The following CEP128 variants were observed in gnomAD, a reference collection of about 807,000 sequenced individuals.
The protein encoded by CEP128 is centrosomal protein 128.
In CEP128, 132 loss-of-function variants were observed where a neutral mutation model predicts 156.7. That is an observed-to-expected ratio of 0.84 (90% CI 0.73 to 0.97). CEP128 has a LOEUF of 0.97. Ranked by LOEUF, CEP128 falls within the 50% of genes least tolerant of loss-of-function variation. The pLI, the probability that CEP128 is intolerant of heterozygous loss-of-function variation, is 0.00. For synonymous variants in CEP128, 469 were observed against 448.9 expected (o/e 1.04, Z -0.57); for missense variants, 1,252 against 1,281.9 (o/e 0.98, Z 0.36).
intron 8 of CEP128, among the ~76,000 whole-genome samples, chr14:80,866,880 C>T (rs930805064): frequency 6.6e-5 from 10 of 152,188 alleles, no homozygotes; most frequent in Non-Finnish European, 2.9e-5. Flanking sequence ...CCATTTTACT[C>T]ATGCAGGATA....
chr14:80,943,954 A>G (rs919483005), upstream of CEP128, among the ~76,000 whole-genome samples: 2 of 151,580 alleles, frequency 1.3e-5, no homozygotes, highest in Non-Finnish European at 2.9e-5. Flanking sequence ...AGATGGTGCC[A>G]CTGCACTCCA....
intron 19 of CEP128, among the ~76,000 whole-genome samples, chr14:80,590,001 C>G (rs1033759806): frequency 1.3e-5 from 2 of 152,066 alleles, no homozygotes; most frequent in African/African-American, 4.8e-5. Flanking sequence ...CTCCTTCACA[C>G]AGTGGAAAAT....
chr14:80,688,227 C>T (rs529627939), intron 19 of CEP128, among the ~76,000 whole-genome samples: 1 of 152,142 alleles, frequency 6.6e-6, no homozygotes, highest in Non-Finnish European at 1.5e-5. Context: ...AAAATAGCAA[C>T]AAAAAATGTT....
At chr14:80,933,148 T>G (rs1375459708) in intron 2 of CEP128, among the ~76,000 whole-genome samples, 1 of 152,144 alleles carries the variant, frequency 6.6e-6, no homozygotes, top group Non-Finnish European at 1.5e-5. Context: ...AGCTTCACCC[T>G]ACCAGCATCC....
chr14:80,602,654 T>C (rs982751537), intron 19 of CEP128, among the ~76,000 whole-genome samples: 7 of 152,056 alleles, frequency 4.6e-5, no homozygotes, highest in African/African-American at 1.4e-4. Flanking sequence ...GCACCTGTAG[T>C]CCTAGCTACT....
At chr14:80,701,285 C>T (rs1311371648) in intron 19 of CEP128, among the ~76,000 whole-genome samples, 1 of 152,110 alleles carries the variant, frequency 6.6e-6, no homozygotes, top group African/African-American at 2.4e-5. Context: ...ACCGGAGAGG[C>T]TGCCGTAACT....
intron 21 of CEP128, among the ~76,000 whole-genome samples, chr14:80,558,108 G>A (rs1890513486): frequency 6.6e-6 from 1 of 152,042 alleles, no homozygotes; most frequent in Admixed American, 6.6e-5. Context: ...TCACTGTTGT[G>A]AGTTTTGCTT....
chr14:80,634,615 T>C (rs1292696342), intron 19 of CEP128, among the ~76,000 whole-genome samples: 2 of 152,218 alleles, frequency 1.3e-5, no homozygotes, highest in African/African-American at 4.8e-5. Context: ...TCTCCCTTTA[T>C]CCTGGTAATC....
At chr14:80,566,976 C>T (rs887162063) in intron 20 of CEP128, among the ~76,000 whole-genome samples, 3 of 151,878 alleles carry the variant, frequency 2.0e-5, no homozygotes, top group African/African-American at 7.3e-5. Context: ...TTCTAGCCTA[C>T]AGGGAAGCCC....
At chr14:80,493,838 TA>T (rs1385846423), downstream of CEP128, among the ~76,000 whole-genome samples, 2 of 152,118 alleles carry the variant, frequency 1.3e-5, no homozygotes, top group African/African-American at 4.8e-5. Flanking sequence ...GAGAAGCCAA[TA>T]GGGGCAGATG....
chr14:80,495,294 T>C (rs1887454726), downstream of CEP128, among the ~76,000 whole-genome samples: 1 of 152,194 alleles, frequency 6.6e-6, no homozygotes, highest in Non-Finnish European at 1.5e-5. Flanking sequence ...TTCCTTAGCA[T>C]TCTTTTTGAT....
intron 3 of CEP128, among the ~76,000 whole-genome samples, chr14:80,915,011 GTTATC>G (rs913771920): frequency 6.6e-6 from 1 of 152,026 alleles, no homozygotes; most frequent in African/African-American, 2.4e-5. Context: ...AAATTCCATT[GTTATC>G]TTACTTTACT....
At chr14:80,818,991 A>C (rs1017294630) in intron 13 of CEP128, among the ~76,000 whole-genome samples, 1 of 152,152 alleles carries the variant, frequency 6.6e-6, no homozygotes, top group Non-Finnish European at 1.5e-5. Flanking sequence ...CCACTGTCCT[A>C]ATCCTAATTT....
rs2140238335 is a variant in CEP128, at chr14:80,518,012, T to A, written c.3072+8857A>T. On this transcript the variant is annotated intron_variant, in intron 23 of 24. Coordinates refer to ENST00000555265, the MANE Select transcript of CEP128 (RefSeq NM_152446.5). ...GCAGTGGTGGACGGTGAGCGAAAGC[T>A]CAGCTTGAGCCGTAACAAACACGGA... Among the ~76,000 whole-genome samples, 3 of 151,604 alleles carry A rather than the reference T, an allele frequency of 2.0e-5. No homozygotes were observed. The South Asian group carries it at 6.3e-4, about 32-fold the overall frequency.
chr14:80,915,925 A>G (rs1232403186), intron 3 of CEP128, among the ~76,000 whole-genome samples: 1 of 152,236 alleles, frequency 6.6e-6, no homozygotes, highest in East Asian at 1.9e-4. Context: ...TTACACGGCA[A>G]AAGGGATTTT....
chr14:80,516,558 A>C (rs1474781969), intron 23 of CEP128, among the ~76,000 whole-genome samples: 1 of 152,168 alleles, frequency 6.6e-6, no homozygotes, highest in South Asian at 2.1e-4. Flanking sequence ...TCTCAAGTTT[A>C]TTGAGAATCC....
chr14:80,940,066 T>A (rs1175277575), intron 1 of CEP128, among the ~76,000 whole-genome samples: 2 of 152,214 alleles, frequency 1.3e-5, no homozygotes, highest in Admixed American at 6.5e-5. Context: ...TAATTGTGAC[T>A]GCTTTCAAAG....
In CEP128 at chr14:80,657,390, G is replaced by A. The variant is rs183078066; in HGVS notation, c.2807-76967C>T. On this transcript the variant is annotated intron_variant, in intron 19 of 24. Transcript: ENST00000555265. ...CAGGGGGCTGAGCACGGTGGCTCAC[G>A]CTTGTAATCCCAGCCCTTTGGGAGG... Among the ~76,000 whole-genome samples, 371 of 151,704 alleles carry A rather than the reference G, an allele frequency of 2.4e-3. 2 individuals are homozygous for A. The highest frequency in any genetic ancestry group is 8.6e-3 in the African/African-American group (356 of 41,358).
intron 19 of CEP128, among the ~76,000 whole-genome samples, chr14:80,698,487 TTAAGAAACA>T (rs1896962085): frequency 6.6e-6 from 1 of 152,120 alleles, no homozygotes; most frequent in African/African-American, 2.4e-5. Context: ...TTAGAAATGT[TTAAGAAACA>T]AACTTAAAGA....
Sources: allele counts gnomAD v4.1 joint callset (sites outside exome capture counted in the v4.1 genomes callset), GRCh38; gene constraint gnomAD v4.1.1; transcripts MANE v1.5; gene names NCBI Gene and HGNC (gene_info 2026-07-23, HGNC 2026-07-21).